The following LMF1 variants were observed in gnomAD, a reference collection of about 807,000 sequenced individuals.
LMF1 encodes the protein transmembrane protein 112.
Under a neutral mutation model 60.6 loss-of-function variants are expected in LMF1, and 68 were observed. That is an observed-to-expected ratio of 1.12 (90% CI 0.92 to 1.37). The LOEUF is 1.37. Among genes scored for constraint, LMF1 ranks in the 40% most tolerant of loss-of-function variants. The pLI is 0.00. For synonymous variants in LMF1, 418 were observed against 324.7 expected, an observed-to-expected ratio of 1.29 and a Z score of -3.09; for missense variants, 948 against 767.2, an observed-to-expected ratio of 1.24 and a Z score of -2.78.
intron 10 of LMF1, among the ~76,000 whole-genome samples, chr16:861,100 C>T (rs974332523): frequency 6.6e-6 from 1 of 152,066 alleles, no homozygotes; most frequent in African/African-American, 2.4e-5. Flanking sequence ...TCTTCCAACC[C>T]ACGAACGCGG....
At chr16:970,284 G>C (rs1471399054) in intron 1 of LMF1, among the ~76,000 whole-genome samples, 1 of 152,144 alleles carries the variant, frequency 6.6e-6, no homozygotes, top group Non-Finnish European at 1.5e-5. Flanking sequence ...CAGGGATGTG[G>C]CGTGCGGGCG....
At chr16:942,164 G>C (rs1374822779) in intron 2 of LMF1, among the ~76,000 whole-genome samples, 1 of 152,190 alleles carries the variant, frequency 6.6e-6, no homozygotes, top group African/African-American at 2.4e-5. Context: ...GTTTTTGAAG[G>C]ATATTGTCAC....
rs565232165 is a variant in LMF1, at chr16:860,258, A to G, written c.1530-5552T>C. On this transcript the variant is annotated intron_variant, in intron 10 of 10. Transcript: ENST00000262301. ...CTTTTAATTTTAATGAATTTCAATTAATTTTTCCTTTCACAGATCATCTTT... is the reference window on the plus strand; with the variant it reads ...CTTTTAATTTTAATGAATTTCAATTGATTTTTCCTTTCACAGATCATCTTT... 1.1e-3 allele frequency among the ~76,000 whole-genome samples: 160 copies of G among 152,090 alleles called. 2 individuals are homozygous for G. Among genetic ancestry groups the G allele is most frequent in the African/African-American group, 3.8e-3 (156 of 41,476 alleles).
At chr16:888,611 G>T (rs1010690012) in intron 5 of LMF1, among the ~76,000 whole-genome samples, 1 of 152,158 alleles carries the variant, frequency 6.6e-6, no homozygotes, top group Non-Finnish European at 1.5e-5. Flanking sequence ...CATCCGCGTC[G>T]TCAGGCAACC....
rs961349760 is a variant in LMF1, at chr16:870,951, C to A, written c.1079-69G>T. On this transcript the variant is annotated intron_variant, in intron 7 of 10. Transcript: ENST00000262301. ...CCGTGGCCTGTCCCTGGGGAGACCC[C>A]AGCTGCTGCTCCCTAAGGGTCAGCT... is the stretch of plus-strand genomic sequence containing the variant. The A allele has an allele frequency of 5.3e-6, 8 of 1,514,856 alleles. No individual in the cohort carries two copies. In the African/African-American group the frequency reaches 9.6e-5, roughly 18 times the overall value. The allele number at this position is 1,514,856 out of a possible 1,614,324, so 93.8% of individuals were successfully genotyped here.
At chr16:939,583 G>A (rs2072039668) in intron 2 of LMF1, among the ~76,000 whole-genome samples, 2 of 152,018 alleles carry the variant, frequency 1.3e-5, no homozygotes, top group East Asian at 1.9e-4. Flanking sequence ...GACTGCCGGC[G>A]CCAGGCCTCG....
intron 3 of LMF1, chr16:931,667 T>C (rs879670522): frequency 1.6e-6 from 2 of 1,287,128 alleles, no homozygotes; most frequent in Non-Finnish European, 2.0e-6. Flanking sequence ...CTCTATGTTC[T>C]CCAAGATCAG....
chr16:857,081 G>T (rs1014071507), intron 10 of LMF1, among the ~76,000 whole-genome samples: 1 of 152,268 alleles, frequency 6.6e-6, no homozygotes, highest in African/African-American at 2.4e-5. Context: ...GGTTCCGCCA[G>T]GTCGTGTGAT....
intron 3 of LMF1, among the ~76,000 whole-genome samples, chr16:921,344 G>A (rs572903522): frequency 2.0e-5 from 3 of 152,338 alleles, no homozygotes; most frequent in South Asian, 2.1e-4. Context: ...TTGAGGGGCT[G>A]CTGGGTCCAA....
rs1408164243 is a variant in LMF1 at position 868,933 on chromosome 16, G to A, written c.1529+11C>T. 4.5e-6 allele frequency: 7 copies of A among 1,568,600 alleles called. No homozygotes were observed. The highest frequency in any genetic ancestry group is 4.1e-5 in the African/African-American group (3 of 74,016). ...GGAGACCCCTGAGCAGCGGCAGGGA[G>A]GGCATCCTACCTGGGCGGGGGCCTG... On this transcript the variant is annotated intron_variant, in intron 10 of 10. Transcript: ENST00000262301.
intron 4 of LMF1, among the ~76,000 whole-genome samples, chr16:907,994 C>T (rs534284372): frequency 2.0e-5 from 3 of 152,320 alleles, no homozygotes; most frequent in South Asian, 2.1e-4. Context: ...TGCATACAAC[C>T]GCCTGGCGGC....
chr16:911,552 G>A (rs768168455), intron 3 of LMF1, among the ~76,000 whole-genome samples: 135 of 80,284 alleles, frequency 1.7e-3, no homozygotes, highest in Middle Eastern at 0.014. Flanking sequence ...AGCACTGGGG[G>A]GGCAGCACTT....
chr16:902,969 C>T (rs2070861963), intron 4 of LMF1, among the ~76,000 whole-genome samples: 1 of 72,042 alleles, frequency 1.4e-5, no homozygotes, highest in Non-Finnish European at 2.4e-5. Context: ...CCCGTGGGGA[C>T]GCCTGTCTCT....
intron 2 of LMF1, among the ~76,000 whole-genome samples, chr16:951,051 CCAA>C (rs2072447949): frequency 1.0e-5 from 1 of 99,952 alleles, no homozygotes; most frequent in African/African-American, 5.9e-5. Flanking sequence ...ACAGAGTCAG[CCAA>C]TGACAGAGTC....
chr16:859,695 GC>G (rs376829985), intron 10 of LMF1, among the ~76,000 whole-genome samples: 1 of 14,274 alleles, frequency 7.0e-5, no homozygotes, highest in African/African-American at 9.2e-4. Flanking sequence ...GGACGGGTGT[GC>G]AGTGGTGTCT....
chr16:899,344 G>C (rs543820328), intron 4 of LMF1: 1 of 152,472 alleles, frequency 6.6e-6, no homozygotes, highest in East Asian at 1.9e-4. Context: ...CTCCGTGCCG[G>C]AGTCAGAGGT....
chr16:892,291 C>A (rs1355328759), intron 5 of LMF1, among the ~76,000 whole-genome samples: 1 of 152,206 alleles, frequency 6.6e-6, no homozygotes, highest in Non-Finnish European at 1.5e-5. Context: ...GGTGTCCAGG[C>A]CTGAGATGCT....
chr16:969,223 G>T (rs1041850639), intron 1 of LMF1, among the ~76,000 whole-genome samples: 1 of 152,214 alleles, frequency 6.6e-6, no homozygotes, highest in East Asian at 1.9e-4. Context: ...GCTGAGGCAG[G>T]AGAATCGCTT....
intron 8 of LMF1, 119 bp downstream of exon 8, chr16:870,610 G>T: frequency 8.4e-7 from 1 of 1,186,100 alleles, no homozygotes; most frequent in East Asian, 2.4e-5. Context: ...AGGCTGGGGT[G>T]GGGCAGGGGA....
Sources: allele counts gnomAD v4.1 joint callset (sites outside exome capture counted in the v4.1 genomes callset), GRCh38; gene constraint gnomAD v4.1.1; transcripts MANE v1.5; gene names NCBI Gene and HGNC (gene_info 2026-07-23, HGNC 2026-07-21).